The following PTPRN2 variants were observed in gnomAD, a reference collection of about 807,000 sequenced individuals.
The protein encoded by PTPRN2 is protein tyrosine phosphatase receptor type N2, also known as receptor-type tyrosine-protein phosphatase N2.
PTPRN2 carries 74 observed loss-of-function variants against 118.8 expected under a neutral mutation model. That is an observed-to-expected ratio of 0.62 (90% CI 0.52 to 0.76). PTPRN2 has a LOEUF of 0.76. Among genes scored for constraint, PTPRN2 ranks in the 30% least tolerant of loss-of-function variants. The pLI, the probability that PTPRN2 is intolerant of heterozygous loss-of-function variation, is 0.00. For synonymous variants in PTPRN2, 641 were observed against 608.0 expected, an observed-to-expected ratio of 1.05 and a Z score of -0.80; for missense variants, 1,481 against 1,394.4, an observed-to-expected ratio of 1.06 and a Z score of -0.99.
At chr7:158,540,447 TGTGGA>T (rs1825917226) in intron 1 of PTPRN2, among the ~76,000 whole-genome samples, 1 of 151,474 alleles carries the variant, frequency 6.6e-6, no homozygotes, top group Non-Finnish European at 1.5e-5. Flanking sequence ...AGTCTATAAA[TGTGGA>T]GGTGACGTGC....
chr7:158,573,579 A>C (rs1029092122), intron 1 of PTPRN2, among the ~76,000 whole-genome samples: 1 of 152,138 alleles, frequency 6.6e-6, no homozygotes, highest in Non-Finnish European at 1.5e-5. Context: ...GTCTCTGTCC[A>C]GGAAGGTCAA....
intron 3 of PTPRN2, among the ~76,000 whole-genome samples, chr7:158,299,754 G>GCTCCCTCAC (rs1383736386): frequency 6.6e-6 from 1 of 152,174 alleles, no homozygotes; most frequent in Non-Finnish European, 1.5e-5. Context: ...CTGCCACAGA[G>GCTCCCTCAC]CTCCCTCACC....
intron 6 of PTPRN2, among the ~76,000 whole-genome samples, chr7:158,140,731 C>T (rs60668375): frequency 0.022 from 3,284 of 152,302 alleles, 105 homozygotes; most frequent in African/African-American, 0.066. Context: ...GCAGCGTGGC[C>T]GCTGGTTCCA....
Position 158,265,459 on chromosome 7 carries a change from C to T in PTPRN2, c.277+51360G>A, listed in dbSNP as rs371321127. Among the ~76,000 whole-genome samples the T allele has an allele frequency of 3.9e-4, 60 of 152,034 alleles. 1 individual carries two copies. The highest frequency in any genetic ancestry group is 3.1e-3 in the South Asian group (15 of 4,794). On this transcript the variant is annotated intron_variant, in intron 3 of 22. Transcript: ENST00000389418. ...ACACCTGCAGGCAGGTACACACCGACGGGACACACCTGGAGGTAGGCACCC... is the reference window on the plus strand; with the variant it reads ...ACACCTGCAGGCAGGTACACACCGATGGGACACACCTGGAGGTAGGCACCC...
At chr7:158,249,589 C>G (rs1181315518) in intron 3 of PTPRN2, among the ~76,000 whole-genome samples, 1 of 152,168 alleles carries the variant, frequency 6.6e-6, no homozygotes, top group African/African-American at 2.4e-5. Flanking sequence ...GCACACGCAT[C>G]ACACACATGC....
chr7:158,064,153 A>G (rs572611317), intron 11 of PTPRN2, among the ~76,000 whole-genome samples: 3 of 152,314 alleles, frequency 2.0e-5, no homozygotes, highest in South Asian at 2.1e-4. Flanking sequence ...ACCTTCCCAC[A>G]TACGAGGACA....
At position 158,398,446 on chromosome 7, in the gene PTPRN2, TCTAA is replaced by T. The variant is rs368044458; in HGVS notation, c.164-81518_164-81515del. On this transcript the variant is annotated intron_variant, in intron 2 of 22. Transcript: ENST00000389418. ...GCCAGGTGGGGCTCGGTGAGTGTCT[TCTAA>T]CTGTTTCTGCATTGCTAGAATGGGG... Among the ~76,000 whole-genome samples, 278 of 152,324 alleles carry T rather than the reference TCTAA, an allele frequency of 1.8e-3. 1 individual carries two copies. Among genetic ancestry groups the T allele is most frequent in the African/African-American group, 5.5e-3 (227 of 41,572 alleles).
At chr7:158,294,205 T>C (rs921070240) in intron 3 of PTPRN2, among the ~76,000 whole-genome samples, 2 of 152,208 alleles carry the variant, frequency 1.3e-5, no homozygotes, top group African/African-American at 2.4e-5. Context: ...ACCACCATCA[T>C]GTACGCGATC....
Position 158,563,723 on chromosome 7 carries a change from A to C in PTPRN2, c.112+23835T>G, listed in dbSNP as rs1245417464. On this transcript the variant is annotated intron_variant, in intron 1 of 22. Coordinates refer to ENST00000389418, the MANE Select transcript of PTPRN2 (RefSeq NM_002847.5). This position sits in a 1 kb window ranked among gnomAD's most constrained non-coding sequence, Gnocchi z 5.1. ...GCACTGATGTGTGAGGGGAGAAGAG[A>C]GGGGCCTTCCATCTAGGGGCACAGT... Among the ~76,000 whole-genome samples the C allele has an allele frequency of 6.6e-6, 1 of 152,230 alleles. No homozygotes were observed. The highest frequency in any genetic ancestry group is 1.5e-5 in the Non-Finnish European group (1 of 68,044).
At chr7:158,541,542 A>C (rs752106597) in intron 1 of PTPRN2, 1 of 1,352,134 alleles carries the variant, frequency 7.4e-7, no homozygotes, top group Non-Finnish European at 9.8e-7. Context: ...GCTCACACAG[A>C]ACATCTTCAT....
chr7:157,584,820 A>T (rs1244744611), intron 17 of PTPRN2, among the ~76,000 whole-genome samples: 1 of 152,260 alleles, frequency 6.6e-6, no homozygotes, highest in Non-Finnish European at 1.5e-5. Flanking sequence ...AGGAAGAAAT[A>T]GTGTGTGTGA....
At chr7:157,888,689 C>A (rs907949219) in intron 12 of PTPRN2, among the ~76,000 whole-genome samples, 7 of 152,200 alleles carry the variant, frequency 4.6e-5, no homozygotes, top group Admixed American at 6.5e-5. Flanking sequence ...TCACGGATGT[C>A]TGATGACTTT....
chr7:158,522,232 A>T (rs71546411), intron 1 of PTPRN2, among the ~76,000 whole-genome samples: 1 of 23,528 alleles, frequency 4.3e-5, no homozygotes, highest in Non-Finnish European at 7.8e-5. Context: ...GTAGTGGCTC[A>T]GGAGGGAGGT....
At chr7:158,056,736 G>A (rs964942019) in intron 11 of PTPRN2, among the ~76,000 whole-genome samples, 5 of 152,282 alleles carry the variant, frequency 3.3e-5, no homozygotes, top group African/African-American at 1.2e-4. Context: ...CTTGTTCAGT[G>A]CCTACAATCA....
chr7:157,615,651 T>C lies in PTPRN2; in HGVS notation c.2344+5711A>G, dbSNP rs562324262. On this transcript the variant is annotated intron_variant, in intron 15 of 22. Coordinates refer to ENST00000389418, the MANE Select transcript of PTPRN2 (RefSeq NM_002847.5). The surrounding 1 kb of genome is among the most constrained non-coding windows in gnomAD (Gnocchi z 4.3). ...GTCCTGCGGAATGTGTTTTTATCAATGACTTGACGACGTGAAAAACATGTT... is the reference window on the plus strand; with the variant it reads ...GTCCTGCGGAATGTGTTTTTATCAACGACTTGACGACGTGAAAAACATGTT... 4.3e-6 allele frequency: 2 copies of C among 464,742 alleles called. No individual in the cohort carries two copies. Among genetic ancestry groups the C allele is most frequent in the African/African-American group, 4.0e-5 (2 of 49,960 alleles). 28.8% of individuals were successfully genotyped at this position (464,742 alleles called of 1,614,324 possible).
chr7:158,275,282 C>T (rs1268702714), intron 3 of PTPRN2, among the ~76,000 whole-genome samples: 1 of 152,126 alleles, frequency 6.6e-6, no homozygotes, highest in African/African-American at 2.4e-5. Context: ...CTCGGAGGGC[C>T]TCTGAACAAG....
chr7:158,122,487 C>T (rs563557240), intron 9 of PTPRN2, among the ~76,000 whole-genome samples: 25 of 152,226 alleles, frequency 1.6e-4, no homozygotes, highest in African/African-American at 6.0e-4. Context: ...CACGGGTGGA[C>T]GCATGAGCAG....
rs528098126 is a variant in PTPRN2, at chr7:157,653,437, G to T, written c.2196+2920C>A. Among the ~76,000 whole-genome samples, 310 of 152,256 alleles carry T rather than the reference G, an allele frequency of 2.0e-3. 1 individual carries two copies. Among genetic ancestry groups the T allele is most frequent in the Non-Finnish European group, 3.7e-3 (251 of 68,006 alleles). On this transcript the variant is annotated intron_variant, in intron 14 of 22. Transcript: ENST00000389418. ...CCTTGTAGCTGTGATGAGTCGGAAG[G>T]TCGGCGACTCTGATGCGTTCCTGCG...
intron 1 of PTPRN2, among the ~76,000 whole-genome samples, chr7:158,560,446 T>G (rs1193199023): frequency 2.6e-5 from 4 of 151,910 alleles, no homozygotes; most frequent in Non-Finnish European, 4.4e-5. Flanking sequence ...AAATGGGGGG[T>G]TTGCTTATTT....
Sources: allele counts gnomAD v4.1 joint callset (sites outside exome capture counted in the v4.1 genomes callset), GRCh38; gene constraint gnomAD v4.1.1; non-coding constraint Gnocchi (gnomAD v3.1); transcripts MANE v1.5; gene names NCBI Gene and HGNC (gene_info 2026-07-23, HGNC 2026-07-21).